Variants in SPEF2 observed in about 807,000 individuals in gnomAD.
SPEF2 encodes the protein sperm flagellar and cilia associated 2, also known as sperm flagella and cilia-associated protein 2.
Under a neutral mutation model 224.6 loss-of-function variants are expected in SPEF2, and 187 were observed. The ratio of observed to expected loss-of-function variants is 0.83; its 90% confidence interval spans 0.74 to 0.94. The LOEUF (loss-of-function observed/expected upper bound fraction) is 0.94. SPEF2 is among the 40% of genes least tolerant of loss of function. The probability of loss-of-function intolerance (pLI) is 0.00; values close to 1 mark genes in which losing one functional copy is unlikely to be tolerated. For synonymous variants in SPEF2, 715 were observed against 707.3 expected (o/e 1.01, Z -0.17); for missense variants, 2,170 against 2,135.6 (o/e 1.02, Z -0.32).
rs753942146 is a variant in SPEF2 at position 35,800,023 on chromosome 5, C to T, written c.4886C>T (p.Thr1629Ile). The T allele has an allele frequency of 3.1e-6, 5 of 1,614,036 alleles. No homozygotes were observed. The highest frequency in any genetic ancestry group is 4.2e-6 in the Non-Finnish European group (5 of 1,180,032). Residue 1629 changes from threonine (T) to isoleucine (I), a missense_variant, in exon 34 of 37, where the codon ACA becomes ATA. Coordinates refer to ENST00000356031, the MANE Select transcript of SPEF2 (RefSeq NM_024867.4). ...YEKDPPQLDYTQMLLYFACHP... is the reference protein window; with the variant it reads ...YEKDPPQLDYIQMLLYFACHP... ...AAGGATCCACCCCAGCTTGACTACA[C>T]ACAGATGCTGCTTTACTTTGCTTGC...
At chr5:35,670,377 T>C (rs1751074452) in intron 10 of SPEF2, 150 bp downstream of exon 10, 1 of 1,386,794 alleles carries the variant, frequency 7.2e-7, no homozygotes, top group Non-Finnish European at 9.3e-7. Flanking sequence ...ATGTTTGTAC[T>C]ACTTTTTAGA....
In SPEF2 at chr5:35,659,007, T is replaced by C. The variant is rs2149447881; in HGVS notation, c.979-12T>C. On this transcript the variant is annotated splice_polypyrimidine_tract_variant and intron_variant, in intron 7 of 36. Coordinates refer to ENST00000356031, the MANE Select transcript of SPEF2 (RefSeq NM_024867.4). ...ACGTCACTTTAACAAATAATTCCCCTGGTGTTTTCAGGAGGCTTATCGGGA... is the reference window on the plus strand; with the variant it reads ...ACGTCACTTTAACAAATAATTCCCCCGGTGTTTTCAGGAGGCTTATCGGGA... 2 of 1,522,780 alleles carry C rather than the reference T, an allele frequency of 1.3e-6. No individual in the cohort carries two copies. The highest frequency in any genetic ancestry group is 4.2e-5 in the Admixed American group (2 of 47,602). The allele number at this position is 1,522,780 out of a possible 1,614,324, so 94.3% of individuals were successfully genotyped here.
chr5:35,733,333 C>T (rs1745979544), intron 21 of SPEF2, among the ~76,000 whole-genome samples: 1 of 152,126 alleles, frequency 6.6e-6, no homozygotes, highest in South Asian at 2.1e-4. Context: ...CCAGGATGGT[C>T]GCGATCTCCT....
intron 30 of SPEF2, among the ~76,000 whole-genome samples, chr5:35,791,335 T>C (rs1755920806): frequency 6.6e-6 from 1 of 152,202 alleles, no homozygotes; most frequent in South Asian, 2.1e-4. Context: ...GATCTCAAAA[T>C]TGTGTATTTG....
At chr5:35,628,018 GGTTAAAAT>G (rs1313500255) in intron 1 of SPEF2, among the ~76,000 whole-genome samples, 1 of 152,140 alleles carries the variant, frequency 6.6e-6, no homozygotes. Context: ...TTGTTTTGCA[GGTTAAAAT>G]GAGGTATTTG....
intron 23 of SPEF2, among the ~76,000 whole-genome samples, chr5:35,743,257 A>G (rs1024948035): frequency 6.6e-6 from 1 of 152,076 alleles, no homozygotes; most frequent in Non-Finnish European, 1.5e-5. Flanking sequence ...ATTAATGAGG[A>G]TAATTCTTAA....
chr5:35,776,487 T>A, intron 29 of SPEF2, 92 bp downstream of exon 29: 6 of 1,423,422 alleles, frequency 4.2e-6, no homozygotes, highest in Non-Finnish European at 5.7e-6. Context: ...AAATTTAAGT[T>A]AGTTACAAAT....
intron 30 of SPEF2, among the ~76,000 whole-genome samples, chr5:35,782,453 T>C (rs1477262141): frequency 6.6e-6 from 1 of 152,186 alleles, no homozygotes; most frequent in Non-Finnish European, 1.5e-5. Context: ...GATGGATTTT[T>C]TTGGGAGGGA....
chr5:35,675,846 A>G (rs1388369360), intron 10 of SPEF2: 4 of 447,412 alleles, frequency 8.9e-6, no homozygotes, highest in Admixed American at 2.4e-5. Context: ...ACCAAGAAAC[A>G]AGGCTATTTT....
chr5:35,804,892 G>T (rs1195768188), intron 34 of SPEF2, among the ~76,000 whole-genome samples: 2 of 152,028 alleles, frequency 1.3e-5, no homozygotes, highest in Non-Finnish European at 2.9e-5. Context: ...TGTTTATCTT[G>T]GGTACACAGA....
At chr5:35,771,417 C>A (rs1316167161) in intron 26 of SPEF2, among the ~76,000 whole-genome samples, 192 bp from the exon 27 acceptor site, 4 of 152,080 alleles carry the variant, frequency 2.6e-5, no homozygotes, top group Non-Finnish European at 4.4e-5. Flanking sequence ...GAAGGGAAGC[C>A]GCATCTTGGG....
intron 30 of SPEF2, chr5:35,789,897 G>T (rs538945487): frequency 4.3e-6 from 3 of 702,984 alleles, no homozygotes; most frequent in Middle Eastern, 2.3e-4. Flanking sequence ...ACTGAATGGA[G>T]CATGTTGAAA....
At chr5:35,656,394 A>C (rs748446715) in intron 7 of SPEF2, among the ~76,000 whole-genome samples, 4 of 152,208 alleles carry the variant, frequency 2.6e-5, no homozygotes, top group Non-Finnish European at 5.9e-5. Context: ...TTGTGCTAGA[A>C]AGTTATTTCT....
chr5:35,771,281 A>C lies in SPEF2; in HGVS notation c.3802-328A>C, dbSNP rs1752817358. ...ACTGAGAAGTATAAATGTGTGTCTG[A>C]GATTTAAAAGAAAGGAATTTTTGCA... On this transcript the variant is annotated intron_variant, in intron 26 of 36. Transcript: ENST00000356031. Among the ~76,000 whole-genome samples the C allele has an allele frequency of 2.0e-5, 3 of 152,310 alleles. No homozygotes were observed. In the South Asian group the frequency reaches 6.2e-4, roughly 32 times the overall value.
intron 8 of SPEF2, among the ~76,000 whole-genome samples, chr5:35,664,709 A>G (rs771401939): frequency 3.4e-5 from 5 of 145,482 alleles, no homozygotes; most frequent in Non-Finnish European, 6.0e-5. Flanking sequence ...AGAGAGAGAG[A>G]GAGAGAGAGG....
chr5:35,814,398 T>C, intron 36 of SPEF2, 66 bp from the exon 37 acceptor site: 5 of 828,972 alleles, frequency 6.0e-6, no homozygotes, highest in Non-Finnish European at 9.1e-6. Context: ...TATTAGTATT[T>C]GTATAGTATA....
intron 8 of SPEF2, among the ~76,000 whole-genome samples, chr5:35,661,277 T>TAG (rs1412532092): frequency 5.4e-4 from 55 of 101,922 alleles, no homozygotes; most frequent in African/African-American, 2.4e-3. Flanking sequence ...TATATATATA[T>TAG]ATATATATAT....
At chr5:35,719,350 A>G (rs79807323) in intron 20 of SPEF2, among the ~76,000 whole-genome samples, 2,018 of 152,328 alleles carry the variant, frequency 0.013, 49 homozygotes, top group African/African-American at 0.047. Context: ...TTGTTAAAAA[A>G]TCATCACAGG....
chr5:35,692,592 T>C lies in SPEF2; in HGVS notation c.1767T>C (p.Ser589=), dbSNP rs760415503. 11 of 1,612,302 alleles carry C rather than the reference T, an allele frequency of 6.8e-6. No homozygotes were observed. Among genetic ancestry groups the C allele is most frequent in the Non-Finnish European group, 9.3e-6 (11 of 1,179,190 alleles). ...TAGACTTTCCTATACAGATACTTTC[T>C]ATTGACACTCTTGTCCAAGAAGCTA... The part of the protein sequence containing the change: ...LQKDFPIQIL[S]IDTLVQEAIQ... Residue 589 remains serine, a synonymous_variant, in exon 12 of 37, where the codon TCT becomes TCC. Transcript: ENST00000356031.
Sources: allele counts gnomAD v4.1 joint callset (sites outside exome capture counted in the v4.1 genomes callset), GRCh38; gene constraint gnomAD v4.1.1; transcripts MANE v1.5; gene names NCBI Gene and HGNC (gene_info 2026-07-23, HGNC 2026-07-21).